Variants in MAPRE2 observed in about 807,000 individuals in gnomAD.
The protein encoded by MAPRE2 is microtubule-associated protein RP/EB family member 2.
MAPRE2 carries 13 observed loss-of-function variants against 43.2 expected under a neutral mutation model. The ratio of observed to expected loss-of-function variants is 0.30; its 90% CI spans 0.20 to 0.48. The LOEUF (loss-of-function observed/expected upper bound fraction) is 0.48, where lower values mean the gene tolerates loss of function less well. Among genes scored for constraint, MAPRE2 ranks in the 20% least tolerant of loss-of-function variants. MAPRE2 has a pLI of 0.99. For missense variants in MAPRE2, 161 were observed against 400.2 expected, an observed-to-expected ratio of 0.40 and a Z score of 5.10; for synonymous variants, 135 against 148.8, an observed-to-expected ratio of 0.91 and a Z score of 0.68.
intron 1 of MAPRE2, among the ~76,000 whole-genome samples, chr18:35,061,369 T>C (rs775516556): frequency 4.6e-5 from 7 of 152,226 alleles, no homozygotes; most frequent in Non-Finnish European, 8.8e-5. Flanking sequence ...TCAGTGTCTA[T>C]ATTTTAATAA....
intron 4 of MAPRE2, among the ~76,000 whole-genome samples, chr18:35,114,714 T>A (rs1250398035): frequency 1.3e-5 from 2 of 152,194 alleles, no homozygotes; most frequent in Admixed American, 6.5e-5. Context: ...GGCGAGGGTC[T>A]CCACTGTTGT....
chr18:34,987,282 A>T (rs1021913465), intron 1 of MAPRE2, among the ~76,000 whole-genome samples: 12 of 152,346 alleles, frequency 7.9e-5, no homozygotes, highest in Admixed American at 3.3e-4. Flanking sequence ...GTGAGATTCC[A>T]AGTGATTGCA....
intron 1 of MAPRE2, among the ~76,000 whole-genome samples, chr18:35,064,914 C>A (rs908452368): frequency 8.5e-5 from 13 of 152,210 alleles, no homozygotes; most frequent in African/African-American, 2.4e-4. Context: ...TATCCACAGA[C>A]AAGCTAGAAT....
chr18:35,019,854 T>G (rs924058274), intron 2 of MAPRE2, among the ~76,000 whole-genome samples: 1 of 152,088 alleles, frequency 6.6e-6, no homozygotes, highest in African/African-American at 2.4e-5. Flanking sequence ...AATTCCTGAT[T>G]GGATATTACC....
At chr18:34,979,222 T>C (rs1015503562) in intron 1 of MAPRE2, among the ~76,000 whole-genome samples, 2 of 152,200 alleles carry the variant, frequency 1.3e-5, no homozygotes, top group African/African-American at 4.8e-5. Flanking sequence ...CTTACTTCAA[T>C]GCCTGGTTTC....
intron 2 of MAPRE2, among the ~76,000 whole-genome samples, chr18:35,077,244 C>T (rs561483532): frequency 0.035 from 4,352 of 125,838 alleles, 187 homozygotes; most frequent in African/African-American, 0.17. Context: ...CGCGCGTGCG[C>T]GCGCGCACAC....
rs535768765 is a variant in MAPRE2, at chr18:35,079,893, G to T, written c.250+9571G>T. 2.0e-5 allele frequency among the ~76,000 whole-genome samples: 3 copies of T among 152,348 alleles called. No homozygotes were observed. In the South Asian group the frequency reaches 6.2e-4, roughly 32 times the overall value. ...AAAAGTTTGATCAAGGCAAAAAGAA[G>T]TTGCAGTGTTTTGTGCATGTACATT... On this transcript the variant is annotated intron_variant, in intron 2 of 6. Transcript: ENST00000300249.
At position 35,140,975 on chromosome 18, in the gene MAPRE2, A is replaced by C. The variant is rs1032038865; in HGVS notation, c.*606A>C. The C allele has an allele frequency of 2.0e-5, 3 of 152,412 alleles. No individual in the cohort carries two copies. The highest frequency in any genetic ancestry group is 4.4e-5 in the Non-Finnish European group (3 of 68,202). 9.4% of individuals were successfully genotyped at this position (152,412 alleles called of 1,614,324 possible). A position where few individuals can be genotyped will look rare whatever the true frequency, so the allele number is the denominator to read the frequency against. On this transcript the variant is annotated 3_prime_UTR_variant, in exon 7 of 7. Coordinates refer to ENST00000300249, the MANE Select transcript of MAPRE2 (RefSeq NM_014268.4). ...AAAGGGAAAAAATGGATTCAAAGCT[A>C]GGATTTCAGGGCCCAGCAGTGTTCC...
intron 1 of MAPRE2, among the ~76,000 whole-genome samples, chr18:34,982,029 C>G (rs977214922): frequency 6.6e-6 from 1 of 151,550 alleles, no homozygotes; most frequent in African/African-American, 2.4e-5. Flanking sequence ...GGACTACAGC[C>G]CCCGCCACCA....
intron 2 of MAPRE2, among the ~76,000 whole-genome samples, chr18:35,010,477 A>G (rs1421961479): frequency 1.3e-5 from 2 of 152,230 alleles, no homozygotes; most frequent in African/African-American, 4.8e-5. Flanking sequence ...AATTAGAGGT[A>G]ACATAATTGT....
chr18:35,003,104 C>T (rs1019875621), intron 1 of MAPRE2, among the ~76,000 whole-genome samples: 13 of 152,164 alleles, frequency 8.5e-5, no homozygotes, highest in Non-Finnish European at 1.6e-4. Flanking sequence ...AATGAGAGCT[C>T]TACTCCTGCC....
At chr18:35,045,557 CT>C (rs2150601161) in intron 1 of MAPRE2, among the ~76,000 whole-genome samples, 1 of 152,244 alleles carries the variant, frequency 6.6e-6, no homozygotes, top group South Asian at 2.1e-4. Flanking sequence ...AAAAAACATG[CT>C]GTTGTTAAGG....
chr18:35,085,983 A>G (rs1907857404), intron 2 of MAPRE2, among the ~76,000 whole-genome samples: 1 of 152,224 alleles, frequency 6.6e-6, no homozygotes, highest in Non-Finnish European at 1.5e-5. Flanking sequence ...CATGAAGAGT[A>G]TGATCACATG....
intron 2 of MAPRE2, among the ~76,000 whole-genome samples, chr18:35,095,402 G>GCACACACACA (rs1190479436): frequency 5.4e-4 from 51 of 93,854 alleles, no homozygotes; most frequent in African/African-American, 1.6e-3. Flanking sequence ...ACACACACAC[G>GCACACACACA]CACACACACA....
intron 1 of MAPRE2, among the ~76,000 whole-genome samples, chr18:35,054,702 C>CTT (rs368554107): frequency 6.6e-6 from 1 of 151,994 alleles, no homozygotes; most frequent in African/African-American, 2.4e-5. Flanking sequence ...TTGTTTGTTT[C>CTT]TTTTTTTTGA....
chr18:35,090,211 A>G (rs1046380830), intron 2 of MAPRE2, among the ~76,000 whole-genome samples: 10 of 152,214 alleles, frequency 6.6e-5, no homozygotes, highest in Non-Finnish European at 1.3e-4. Flanking sequence ...CTGGAATTAA[A>G]TAGTGGCAAT....
chr18:35,053,947 T>A (rs1906084449), intron 1 of MAPRE2, among the ~76,000 whole-genome samples: 1 of 152,338 alleles, frequency 6.6e-6, no homozygotes, highest in East Asian at 1.9e-4. Flanking sequence ...GTAAACATTT[T>A]AAAAACTAAG....
At chr18:35,088,559 A>G (rs1057441635) in intron 2 of MAPRE2, among the ~76,000 whole-genome samples, 1 of 152,206 alleles carries the variant, frequency 6.6e-6, no homozygotes, top group African/African-American at 2.4e-5. Flanking sequence ...GCATAATGAG[A>G]TAAAATTGTG....
chr18:35,104,454 G>A (rs529352528), intron 4 of MAPRE2, among the ~76,000 whole-genome samples: 1 of 152,192 alleles, frequency 6.6e-6, no homozygotes, highest in East Asian at 1.9e-4. Context: ...AACTGTTCTT[G>A]TTTGCTTTTA....
Sources: gnomAD v4.1 joint callset for allele counts (sites outside exome capture counted in the v4.1 genomes callset) on GRCh38, gnomAD v4.1.1 for gene constraint, MANE v1.5 for transcripts, NCBI Gene and HGNC (gene_info 2026-07-23, HGNC 2026-07-21) for gene names.